Variants in EXOC3L2 observed in about 807,000 individuals in gnomAD.
The protein encoded by EXOC3L2 is exocyst complex component 3 like 2, also known as exocyst complex component 3-like protein 2.
A neutral mutation model predicts 44.4 loss-of-function variants in EXOC3L2; 17 were observed. The ratio of observed to expected loss-of-function variants is 0.38; its 90% CI spans 0.26 to 0.57. The LOEUF (loss-of-function observed/expected upper bound fraction) is 0.57, where lower values mean the gene tolerates loss of function less well. Ranked by LOEUF, EXOC3L2 falls within the 20% of genes least tolerant of loss-of-function variation. EXOC3L2 has a pLI of 0.65. For missense variants in EXOC3L2, 541 were observed against 588.4 expected (o/e 0.92, Z 0.83); for synonymous variants, 256 against 253.7 (o/e 1.01, Z -0.09).
At chr19:45,219,111 G>A (rs1555755836) in intron 8 of EXOC3L2, among the ~76,000 whole-genome samples, 1 of 152,218 alleles carries the variant, frequency 6.6e-6, no homozygotes, top group Admixed American at 6.5e-5. Flanking sequence ...TACTCTGGAT[G>A]CTGACACAGC....
Position 45,213,076 on chromosome 19 carries a change from T to C in EXOC3L2, c.2402A>G (p.Gln801Arg). 6.7e-7 allele frequency: 1 copy of C among 1,496,330 alleles called. No homozygotes were observed. The highest frequency in any genetic ancestry group is 8.9e-7 in the Non-Finnish European group (1 of 1,128,330). The allele number at this position is 1,496,330 out of a possible 1,614,324, so 92.7% of individuals were successfully genotyped here. The change falls in exon 12 of 12, where the codon CAG (glutamine) becomes CGG (arginine). Residue 801 changes from glutamine (Q) to arginine (R), a missense_variant. Transcript: ENST00000413988. ...CCGGCGGTTGGGTGACCCTCAGCGC[T>C]GGGCCCGAGGTCGCGCTAGAGACGG... Reference protein sequence around the residue: ...RPPSLARPRAQR With the variant: ...RPPSLARPRARR
In EXOC3L2 at chr19:45,234,616, G is replaced by A; in HGVS notation, c.734C>T (p.Thr245Met). Reference sequence around the variant, plus strand: ...CGCTCCCGGCCCGGGGCCCGCCAGCGTCTCGCGCACCAGCGCCCACAGCTC... The same window carrying A: ...CGCTCCCGGCCCGGGGCCCGCCAGCATCTCGCGCACCAGCGCCCACAGCTC... ...QRELWALVRE[T>M]LAGPGPGACA... Residue 245 changes from threonine (T) to methionine (M), a missense_variant, in exon 3 of 12, where the codon ACG (threonine) becomes ATG (methionine). Coordinates refer to ENST00000413988, the MANE Select transcript of EXOC3L2 (RefSeq NM_001382422.1). The surrounding 1 kb of genome is among the most constrained non-coding windows in gnomAD (Gnocchi z 5.0). The A allele has an allele frequency of 3.1e-6, 1 of 325,756 alleles. No individual in the cohort carries two copies. Among genetic ancestry groups the A allele is most frequent in the Non-Finnish European group, 5.6e-6 (1 of 178,864 alleles). 20.2% of individuals were successfully genotyped at this position (325,756 alleles called of 1,614,324 possible).
In EXOC3L2 at chr19:45,212,848, C is replaced by T. The variant is rs1969789872; in HGVS notation, c.*221G>A. 1 of 488,790 alleles carries T rather than the reference C, an allele frequency of 2.0e-6. No homozygotes were observed. The highest frequency in any genetic ancestry group is 3.4e-6 in the Non-Finnish European group (1 of 290,128). 30.3% of individuals were successfully genotyped at this position (488,790 alleles called of 1,614,324 possible). On this transcript the variant is annotated 3_prime_UTR_variant, in exon 12 of 12. Coordinates refer to ENST00000413988, the MANE Select transcript of EXOC3L2 (RefSeq NM_001382422.1). ...CTCCTGGGCTCAAGCAATCCTCCGG[C>T]CTCAGCCTCCCAAAGTGTTGGGATT...
intron 2 of EXOC3L2, among the ~76,000 whole-genome samples, chr19:45,237,694 A>C (rs1970095773): frequency 6.6e-6 from 1 of 152,012 alleles, no homozygotes; most frequent in Admixed American, 6.6e-5. Context: ...TTAGGGATTG[A>C]ATTACGTCCC....
chr19:45,213,990 C>A (rs151046811), intron 11 of EXOC3L2, among the ~76,000 whole-genome samples: 1 of 151,808 alleles, frequency 6.6e-6, no homozygotes, highest in Non-Finnish European at 1.5e-5. Context: ...GTACCCCACT[C>A]CCCCTAAATC....
chr19:45,243,595 A>G (rs1408208981), intron 1 of EXOC3L2, among the ~76,000 whole-genome samples: 1 of 152,058 alleles, frequency 6.6e-6, no homozygotes, highest in East Asian at 1.9e-4. Flanking sequence ...ATACTCCCCC[A>G]TGCACACACA....
chr19:45,212,924 T>G lies in EXOC3L2; in HGVS notation c.*145A>C. ...GTTTGTTTCCCTTCTGTACAGGGAGTTTGGGGTTGGGTGAAAAGACATCTA... is the reference window on the plus strand; with the variant it reads ...GTTTGTTTCCCTTCTGTACAGGGAGGTTGGGGTTGGGTGAAAAGACATCTA... On this transcript the variant is annotated 3_prime_UTR_variant, in exon 12 of 12. Transcript: ENST00000413988. 9 of 899,714 alleles carry G rather than the reference T, an allele frequency of 1.0e-5. No individual in the cohort carries two copies. The highest frequency in any genetic ancestry group is 4.7e-5 in the South Asian group (2 of 42,990). The allele number at this position is 899,714 out of a possible 1,614,324, so 55.7% of individuals were successfully genotyped here.
At chr19:45,241,865 C>G (rs556515496) in intron 1 of EXOC3L2, among the ~76,000 whole-genome samples, 4 of 152,188 alleles carry the variant, frequency 2.6e-5, no homozygotes, top group Non-Finnish European at 5.9e-5. Flanking sequence ...GATCTGTGTC[C>G]CTTACTGGAC....
chr19:45,232,545 A>C lies in EXOC3L2; in HGVS notation c.1158-671T>G, dbSNP rs551463774. 6.9e-4 allele frequency among the ~76,000 whole-genome samples: 105 copies of C among 152,228 alleles called. 1 individual carries two copies. Among genetic ancestry groups the C allele is most frequent in the African/African-American group, 2.5e-3 (102 of 41,526 alleles). The stretch of plus-strand genomic sequence containing the variant: ...GACAGCATCCTGATTTTGTTGGAAG[A>C]ACCACCCACCCCCTTCACTGTCCAA... On this transcript the variant is annotated intron_variant, in intron 3 of 11. Coordinates refer to ENST00000413988, the MANE Select transcript of EXOC3L2 (RefSeq NM_001382422.1).
rs143162631 is a variant in EXOC3L2, at chr19:45,235,332, A to G, written c.524-506T>C. On this transcript the variant is annotated intron_variant, in intron 2 of 11. Coordinates refer to ENST00000413988, the MANE Select transcript of EXOC3L2 (RefSeq NM_001382422.1). ...ATAAATAAAAAAGAGAGAGGGGGAA[A>G]AGAAAAATGCCTGTGACTGAGGAGG... Among the ~76,000 whole-genome samples, 15 of 152,214 alleles carry G rather than the reference A, an allele frequency of 9.9e-5. No individual in the cohort carries two copies. In the East Asian group the frequency reaches 2.9e-3, roughly 29 times the overall value.
At chr19:45,244,126 G>A (rs1051143117) in intron 1 of EXOC3L2, among the ~76,000 whole-genome samples, 6 of 151,420 alleles carry the variant, frequency 4.0e-5, no homozygotes, top group Non-Finnish European at 5.9e-5. Context: ...GTTTCGCCCT[G>A]TTGCCCAGGT....
intron 1 of EXOC3L2, among the ~76,000 whole-genome samples, chr19:45,244,344 T>G (rs945014934): frequency 6.6e-6 from 1 of 151,958 alleles, no homozygotes; most frequent in African/African-American, 2.4e-5. Context: ...CGAATTTCCC[T>G]CCAATTGAAG....
rs759287672 is a variant in EXOC3L2 at position 45,228,021 on chromosome 19, C to T, written c.1425G>A (p.Glu475=). 20 of 1,613,990 alleles carry T rather than the reference C, an allele frequency of 1.2e-5. No individual in the cohort carries two copies. In the African/African-American group the frequency reaches 2.1e-4, roughly 17 times the overall value. ...CGCCTAGGCAGCAGTGGGCCATCCG[C>T]TCCCCAAACTCCTGGCTGATGCGGG... ...RAPRISQEFG[E]RMAHCCLGGL... Residue 475 remains glutamate (E), a synonymous_variant, in exon 6 of 12, where the codon GAG becomes GAA. Transcript: ENST00000413988.
intron 4 of EXOC3L2, among the ~76,000 whole-genome samples, chr19:45,229,221 ATATACATATATT>A (rs1970000967): frequency 1.6e-5 from 2 of 124,926 alleles, no homozygotes; most frequent in African/African-American, 6.6e-5. Context: ...TGTATTAAAT[ATATACATATATT>A]TATGTATTAA....
rs541402131 is a variant in EXOC3L2 at position 45,232,417 on chromosome 19, G to C, written c.1158-543C>G. 7.2e-5 allele frequency among the ~76,000 whole-genome samples: 11 copies of C among 152,212 alleles called. No individual in the cohort carries two copies. The South Asian group carries it at 1.7e-3, about 23-fold the overall frequency. ...GGAAGCTTTCCGGACTCCCTATCCT[G>C]CCTCCATCCCTTATAGATAACATGA... On this transcript the variant is annotated intron_variant, in intron 3 of 11. Transcript: ENST00000413988.
chr19:45,224,266 G>C (rs1034220790), intron 8 of EXOC3L2, among the ~76,000 whole-genome samples: 1 of 152,102 alleles, frequency 6.6e-6, no homozygotes, highest in Non-Finnish European at 1.5e-5. Context: ...GCTACAGTGG[G>C]ATTTTGGCAT....
intron 11 of EXOC3L2, among the ~76,000 whole-genome samples, chr19:45,215,033 A>G (rs945853746): frequency 9.2e-5 from 14 of 151,648 alleles, no homozygotes; most frequent in Admixed American, 7.9e-4. Flanking sequence ...GCACATGCCT[A>G]TACTTGGGAG....
At chr19:45,218,168 C>T in intron 9 of EXOC3L2, 29 bp downstream of exon 9, 1 of 1,328,508 alleles carries the variant, frequency 7.5e-7, no homozygotes, top group Non-Finnish European at 9.9e-7. Flanking sequence ...TCCCCCACCC[C>T]CACCTCCCCT....
intron 8 of EXOC3L2, among the ~76,000 whole-genome samples, chr19:45,221,644 CTT>C (rs373572170): frequency 0.024 from 2,213 of 91,722 alleles, 57 homozygotes; most frequent in African/African-American, 0.082. Flanking sequence ...CCCAGCAGGG[CTT>C]TTTTTTTTTT....
Sources: gnomAD v4.1 joint callset for allele counts (sites outside exome capture counted in the v4.1 genomes callset) on GRCh38, gnomAD v4.1.1 for gene constraint, Gnocchi (gnomAD v3.1) non-coding constraint, MANE v1.5 for transcripts, NCBI Gene and HGNC (gene_info 2026-07-23, HGNC 2026-07-21) for gene names.